Variants in GAS2 observed in about 807,000 individuals in gnomAD.
GAS2 encodes growth arrest specific 2.
GAS2 carries 20 observed loss-of-function variants against 37.5 expected under a neutral mutation model. That is an observed-to-expected ratio of 0.53 (90% CI 0.37 to 0.77). The LOEUF is 0.77. GAS2 is among the 30% of genes least tolerant of loss of function. GAS2 has a pLI of 0.00. For synonymous variants in GAS2, 144 were observed against 132.2 expected, an observed-to-expected ratio of 1.09 and a Z score of -0.61; for missense variants, 336 against 373.4, an observed-to-expected ratio of 0.90 and a Z score of 0.82.
chr11:22,764,521 C>T (rs968705238), intron 7 of GAS2, among the ~76,000 whole-genome samples: 2 of 142,810 alleles, frequency 1.4e-5, no homozygotes. Context: ...GAGATCTCGC[C>T]GCTGCACTCC....
intron 7 of GAS2, among the ~76,000 whole-genome samples, chr11:22,759,564 T>A (rs898723001): frequency 6.6e-6 from 1 of 152,236 alleles, no homozygotes; most frequent in Non-Finnish European, 1.5e-5. Context: ...TTTTGAACTA[T>A]CAAATGCAGC....
At chr11:22,696,425 C>A (rs1850519406) in intron 3 of GAS2, among the ~76,000 whole-genome samples, 1 of 151,970 alleles carries the variant, frequency 6.6e-6, no homozygotes. Flanking sequence ...GTCTTTATAG[C>A]AGCATGATTT....
At chr11:22,785,268 A>G (rs1855767783) in intron 7 of GAS2, among the ~76,000 whole-genome samples, 1 of 152,172 alleles carries the variant, frequency 6.6e-6, no homozygotes, top group African/African-American at 2.4e-5. Context: ...GGCACAAAGC[A>G]TTTGATGCCC....
Position 22,746,031 on chromosome 11 carries a change from A to G in GAS2, c.474-3089A>G, listed in dbSNP as rs182065545. 1.5e-3 allele frequency among the ~76,000 whole-genome samples: 221 copies of G among 152,178 alleles called. 1 individual carries two copies. The highest frequency in any genetic ancestry group is 2.2e-3 in the Non-Finnish European group (148 of 67,990). ...CTTTACAAAAAAATACACACAAAAA[A>G]TTTAGCCAGGCATGGTGGCATCTGC... On this transcript the variant is annotated intron_variant, in intron 5 of 7. Transcript: ENST00000454584.
intron 7 of GAS2, among the ~76,000 whole-genome samples, chr11:22,806,256 C>T (rs1564897265): frequency 6.6e-6 from 1 of 152,084 alleles, no homozygotes; most frequent in African/African-American, 2.4e-5. Context: ...GGTTCATTCT[C>T]GTTGTTGCAA....
At chr11:22,697,735 G>T (rs1405574635) in intron 3 of GAS2, among the ~76,000 whole-genome samples, 6 of 152,002 alleles carry the variant, frequency 3.9e-5, no homozygotes, top group Admixed American at 2.0e-4. Flanking sequence ...TGATGATTTG[G>T]CTCTCTGTTT....
chr11:22,724,985 T>C (rs1401518494), intron 3 of GAS2, among the ~76,000 whole-genome samples: 1 of 151,882 alleles, frequency 6.6e-6, no homozygotes, highest in Non-Finnish European at 1.5e-5. Context: ...TATTTAAGGG[T>C]TCACTGTGAA....
chr11:22,772,072 A>G (rs1855006257), intron 7 of GAS2, among the ~76,000 whole-genome samples: 1 of 152,208 alleles, frequency 6.6e-6, no homozygotes, highest in Admixed American at 6.5e-5. Flanking sequence ...AATGTGTCAT[A>G]CAAGATACAA....
At chr11:22,689,947 C>G (rs1311137342) in intron 3 of GAS2, among the ~76,000 whole-genome samples, 1 of 152,170 alleles carries the variant, frequency 6.6e-6, no homozygotes, top group Admixed American at 6.6e-5. Flanking sequence ...ATTAATGAAA[C>G]TGTGCATAGG....
At chr11:22,711,430 TC>T (rs1259356913) in intron 3 of GAS2, among the ~76,000 whole-genome samples, 4 of 152,104 alleles carry the variant, frequency 2.6e-5, no homozygotes, top group African/African-American at 9.7e-5. Context: ...TGAGGTAAGC[TC>T]CTAGGTGAAC....
chr11:22,718,513 G>A (rs1565107193), intron 3 of GAS2, among the ~76,000 whole-genome samples: 1 of 151,784 alleles, frequency 6.6e-6, no homozygotes, highest in African/African-American at 2.4e-5. Context: ...GGACTTTGGG[G>A]GAAGGGTGGG....
At chr11:22,748,523 T>C (rs1427859256) in intron 5 of GAS2, among the ~76,000 whole-genome samples, 1 of 152,112 alleles carries the variant, frequency 6.6e-6, no homozygotes, top group East Asian at 1.9e-4. Flanking sequence ...CTCTGTTTCC[T>C]CTATGCTCAG....
chr11:22,755,169 A>C (rs920901331), intron 6 of GAS2, among the ~76,000 whole-genome samples: 1 of 152,144 alleles, frequency 6.6e-6, no homozygotes, highest in African/African-American at 2.4e-5. Context: ...GGGAGAATAG[A>C]TATAACAGGG....
At chr11:22,737,913 G>C in intron 5 of GAS2, 145 bp downstream of exon 5, 1 of 730,670 alleles carries the variant, frequency 1.4e-6, no homozygotes, top group Non-Finnish European at 2.4e-6. Flanking sequence ...ACTTCTTGAG[G>C]GCAGCAGTTA....
At chr11:22,744,607 A>AT (rs1036715836) in intron 5 of GAS2, among the ~76,000 whole-genome samples, 1 of 152,016 alleles carries the variant, frequency 6.6e-6, no homozygotes, top group African/African-American at 2.4e-5. Context: ...TCCCTTCATG[A>AT]TAAAAAAAAC....
intron 3 of GAS2, among the ~76,000 whole-genome samples, chr11:22,726,005 A>T (rs939574471): frequency 1.3e-5 from 2 of 152,150 alleles, no homozygotes; most frequent in Non-Finnish European, 2.9e-5. Flanking sequence ...GGAAGGCCAT[A>T]AAAATTATAG....
chr11:22,773,288 T>C (rs577186909), intron 7 of GAS2, among the ~76,000 whole-genome samples: 1 of 152,058 alleles, frequency 6.6e-6, no homozygotes, highest in Non-Finnish European at 1.5e-5. Flanking sequence ...TACCTACATC[T>C]GGGCCCGGTT....
At chr11:22,790,953 G>A (rs1856127179) in intron 7 of GAS2, among the ~76,000 whole-genome samples, 1 of 151,990 alleles carries the variant, frequency 6.6e-6, no homozygotes, top group Non-Finnish European at 1.5e-5. Context: ...CTATATAAAT[G>A]GACATCAGAG....
intron 7 of GAS2, among the ~76,000 whole-genome samples, chr11:22,764,069 C>T (rs1854539855): frequency 6.6e-6 from 1 of 152,122 alleles, no homozygotes; most frequent in Non-Finnish European, 1.5e-5. Context: ...AACCTATAGT[C>T]TCTAAGATAG....
Sources: allele counts gnomAD v4.1 joint callset (sites outside exome capture counted in the v4.1 genomes callset), GRCh38; gene constraint gnomAD v4.1.1; transcripts MANE v1.5; gene names NCBI Gene and HGNC (gene_info 2026-07-23, HGNC 2026-07-21).